The following UNC5C variants were observed in gnomAD, a reference collection of about 807,000 sequenced individuals.
UNC5C encodes the protein unc-5 netrin receptor C.
UNC5C carries 47 observed loss-of-function variants against 99.8 expected under a neutral mutation model. The observed-to-expected ratio is 0.47, with a 90% confidence interval of 0.37 to 0.60. UNC5C has a LOEUF of 0.60. UNC5C is among the 20% of genes least tolerant of loss of function. The pLI is 0.00. For missense variants in UNC5C, 1,062 were observed against 1,165.9 expected, an observed-to-expected ratio of 0.91 and a Z score of 1.30; for synonymous variants, 487 against 452.2, an observed-to-expected ratio of 1.08 and a Z score of -0.98.
In UNC5C at chr4:95,375,310, A is replaced by G. The variant is rs184463521; in HGVS notation, c.125-39679T>C. 3.9e-5 allele frequency among the ~76,000 whole-genome samples: 6 copies of G among 152,282 alleles called. No homozygotes were observed. In the East Asian group the frequency reaches 1.2e-3, roughly 29 times the overall value. ...ACTTAGGTAAAAATAAGAAGAAACC[A>G]ATATCAAAGTAGTTTCTCTTAAGAT... On this transcript the variant is annotated intron_variant, in intron 1 of 15. Transcript: ENST00000453304.
intron 1 of UNC5C, among the ~76,000 whole-genome samples, chr4:95,507,371 A>G (rs1423092046): frequency 6.6e-6 from 1 of 152,024 alleles, no homozygotes; most frequent in Non-Finnish European, 1.5e-5. Context: ...AACAACATCT[A>G]AACAGTCCAA....
intron 1 of UNC5C, among the ~76,000 whole-genome samples, chr4:95,496,864 T>C (rs1721644690): frequency 6.6e-6 from 1 of 151,610 alleles, no homozygotes; most frequent in Non-Finnish European, 1.5e-5. Flanking sequence ...ACCCACCAAA[T>C]CCCTGAAGTC....
At chr4:95,428,840 C>G (rs1247772701) in intron 1 of UNC5C, among the ~76,000 whole-genome samples, 1 of 152,112 alleles carries the variant, frequency 6.6e-6, no homozygotes, top group Non-Finnish European at 1.5e-5. Flanking sequence ...CCCAGCAATT[C>G]TATTTTCCCA....
chr4:95,268,241 T>A (rs1164904955), intron 4 of UNC5C, among the ~76,000 whole-genome samples: 1 of 152,176 alleles, frequency 6.6e-6, no homozygotes, highest in Non-Finnish European at 1.5e-5. Flanking sequence ...GCCCGGCCTG[T>A]GATTTCTTTT....
At chr4:95,519,260 A>G (rs1265595683) in intron 1 of UNC5C, among the ~76,000 whole-genome samples, 2 of 152,174 alleles carry the variant, frequency 1.3e-5, no homozygotes, top group East Asian at 3.9e-4. Context: ...CCTGGTATCT[A>G]GCTATTACAA....
intron 1 of UNC5C, among the ~76,000 whole-genome samples, chr4:95,356,478 G>A (rs1744208738): frequency 6.6e-6 from 1 of 152,086 alleles, no homozygotes; most frequent in South Asian, 2.1e-4. Flanking sequence ...CGAGGCCTTG[G>A]TATTGGTTCC....
At chr4:95,542,646 G>GT (rs1460576248) in intron 1 of UNC5C, among the ~76,000 whole-genome samples, 2 of 152,038 alleles carry the variant, frequency 1.3e-5, no homozygotes, top group Non-Finnish European at 2.9e-5. Flanking sequence ...AAAAACCACA[G>GT]TACAACTTCA....
chr4:95,518,623 T>C (rs973828326), intron 1 of UNC5C, among the ~76,000 whole-genome samples: 1 of 152,204 alleles, frequency 6.6e-6, no homozygotes, highest in Non-Finnish European at 1.5e-5. Flanking sequence ...ATTTTCAATA[T>C]GCAGAATAAC....
intron 7 of UNC5C, among the ~76,000 whole-genome samples, chr4:95,235,567 G>C (rs2149375283): frequency 6.6e-6 from 1 of 152,298 alleles, no homozygotes; most frequent in Admixed American, 6.5e-5. Flanking sequence ...CCATGCCTAT[G>C]TCCTGAATGG....
chr4:95,331,717 T>C (rs1743119782), intron 2 of UNC5C, among the ~76,000 whole-genome samples: 1 of 152,168 alleles, frequency 6.6e-6, no homozygotes, highest in African/African-American at 2.4e-5. Flanking sequence ...ATGTATGTAA[T>C]ATTAATTAAT....
At chr4:95,374,844 T>C (rs1744846798) in intron 1 of UNC5C, among the ~76,000 whole-genome samples, 2 of 152,086 alleles carry the variant, frequency 1.3e-5, no homozygotes, top group African/African-American at 4.8e-5. Context: ...ATATATGTCA[T>C]ATAAAGTAAA....
rs548768384 is a variant in UNC5C at position 95,295,062 on chromosome 4, C to A, written c.490+6544G>T. Among the ~76,000 whole-genome samples the A allele has an allele frequency of 3.7e-4, 56 of 152,298 alleles. 1 individual carries two copies. The highest frequency in any genetic ancestry group is 1.2e-3 in the African/African-American group (49 of 41,564). ...TTTTTCCATCATATCCTTACCCCCA[C>A]AACACAATCACAACATTGTCAACAA... On this transcript the variant is annotated intron_variant, in intron 3 of 15. Coordinates refer to ENST00000453304, the MANE Select transcript of UNC5C (RefSeq NM_003728.4).
intron 1 of UNC5C, among the ~76,000 whole-genome samples, chr4:95,470,367 G>A (rs771882869): frequency 6.6e-6 from 1 of 152,100 alleles, no homozygotes; most frequent in Non-Finnish European, 1.5e-5. Context: ...ATTTTAAAAA[G>A]AAGAATAAAT....
At chr4:95,379,638 A>T (rs1745003287) in intron 1 of UNC5C, among the ~76,000 whole-genome samples, 1 of 152,204 alleles carries the variant, frequency 6.6e-6, no homozygotes, top group Non-Finnish European at 1.5e-5. Flanking sequence ...CCGGTCAGAG[A>T]AAGAAGAAGC....
At chr4:95,266,579 C>A (rs1001862727) in intron 4 of UNC5C, among the ~76,000 whole-genome samples, 7 of 152,118 alleles carry the variant, frequency 4.6e-5, no homozygotes, top group African/African-American at 1.7e-4. Context: ...TTTATAGTTT[C>A]GCTGTTACTG....
At chr4:95,526,447 A>G (rs1722499654) in intron 1 of UNC5C, among the ~76,000 whole-genome samples, 1 of 152,134 alleles carries the variant, frequency 6.6e-6, no homozygotes, top group South Asian at 2.1e-4. Flanking sequence ...AAGATTTACA[A>G]TACAAAGTGT....
chr4:95,187,407 A>G (rs1736873901), intron 12 of UNC5C, among the ~76,000 whole-genome samples: 1 of 152,196 alleles, frequency 6.6e-6, no homozygotes, highest in African/African-American at 2.4e-5. Context: ...GATGCATTGT[A>G]TTCCAGGAGG....
Position 95,504,700 on chromosome 4 carries a change from C to G in UNC5C, c.124+44034G>C, listed in dbSNP as rs75287007. 9.7e-4 allele frequency among the ~76,000 whole-genome samples: 148 copies of G among 152,130 alleles called. 1 individual carries two copies. The East Asian group carries it at 0.022, about 22-fold the overall frequency. On this transcript the variant is annotated intron_variant, in intron 1 of 15. Coordinates refer to ENST00000453304, the MANE Select transcript of UNC5C (RefSeq NM_003728.4). Reference sequence around the variant, plus strand: ...TCAAAAAAATGCTGACACATTATAACAAGGCACGAAAAATTAACCTTTGTG... The same window carrying G: ...TCAAAAAAATGCTGACACATTATAAGAAGGCACGAAAAATTAACCTTTGTG...
chr4:95,377,362 C>T (rs778450427), intron 1 of UNC5C, among the ~76,000 whole-genome samples: 2 of 152,120 alleles, frequency 1.3e-5, no homozygotes, highest in African/African-American at 4.8e-5. Context: ...AAACCTTGGT[C>T]GTTGTTCCAG....
Sources: allele counts gnomAD v4.1 joint callset (sites outside exome capture counted in the v4.1 genomes callset), GRCh38; gene constraint gnomAD v4.1.1; transcripts MANE v1.5; gene names NCBI Gene and HGNC (gene_info 2026-07-23, HGNC 2026-07-21).